CRPPA: variants seen among roughly 807,000 people sequenced by gnomAD.
CRPPA encodes D-ribitol-5-phosphate cytidylyltransferase.
Under a neutral mutation model 52.0 loss-of-function variants are expected in CRPPA, and 43 were observed. That is an observed-to-expected ratio of 0.83 (90% CI 0.65 to 1.07). The LOEUF is 1.07. Ranked by LOEUF, CRPPA falls within the 50% of genes least tolerant of loss-of-function variation. The pLI is 0.00. For synonymous variants in CRPPA, 250 were observed against 203.5 expected (o/e 1.23, Z -1.94); for missense variants, 629 against 551.7 (o/e 1.14, Z -1.40).
intron 1 of CRPPA, among the ~76,000 whole-genome samples, chr7:16,419,978 C>G (rs748214492): frequency 6.6e-6 from 1 of 152,196 alleles, no homozygotes; most frequent in Non-Finnish European, 1.5e-5. Flanking sequence ...ATTCCCCTGT[C>G]TTGATAAATC....
intron 4 of CRPPA, among the ~76,000 whole-genome samples, chr7:16,303,854 C>A (rs1302158248): frequency 6.6e-6 from 1 of 151,968 alleles, no homozygotes; most frequent in Non-Finnish European, 1.5e-5. Flanking sequence ...AATGTATTCC[C>A]CAACAAAAGG....
At chr7:16,094,400 A>G (rs1483275084) in intron 9 of CRPPA, among the ~76,000 whole-genome samples, 1 of 152,126 alleles carries the variant, frequency 6.6e-6, no homozygotes, top group Non-Finnish European at 1.5e-5. Context: ...TCATCTCAAA[A>G]TTTCCTATCT....
intron 9 of CRPPA, among the ~76,000 whole-genome samples, chr7:16,164,997 G>A (rs1025358410): frequency 1.3e-5 from 2 of 152,020 alleles, no homozygotes; most frequent in Non-Finnish European, 2.9e-5. Flanking sequence ...ACTTGAGGAG[G>A]CAGTCTGTCC....
intron 3 of CRPPA, among the ~76,000 whole-genome samples, chr7:16,371,455 T>C (rs890357540): frequency 1.3e-5 from 2 of 151,942 alleles, no homozygotes; most frequent in African/African-American, 4.8e-5. Flanking sequence ...TCATGCAGCA[T>C]CTTCTCCCCT....
intron 3 of CRPPA, among the ~76,000 whole-genome samples, chr7:16,341,814 C>T (rs183495076): frequency 2.0e-5 from 3 of 152,236 alleles, no homozygotes; most frequent in Admixed American, 6.5e-5. Flanking sequence ...GATGGTTTAA[C>T]CTTTCTTCCT....
At chr7:16,345,040 G>A (rs180678352) in intron 3 of CRPPA, among the ~76,000 whole-genome samples, 10 of 152,156 alleles carry the variant, frequency 6.6e-5, no homozygotes, top group South Asian at 2.1e-4. Flanking sequence ...AATCAGGTCC[G>A]CATATAAATG....
intron 3 of CRPPA, among the ~76,000 whole-genome samples, chr7:16,374,505 A>G (rs1786829481): frequency 6.6e-6 from 1 of 152,136 alleles, no homozygotes; most frequent in Admixed American, 6.5e-5. Context: ...CATATATCCT[A>G]TTAGTTCTGT....
At chr7:16,405,126 C>T (rs976274969) in intron 2 of CRPPA, among the ~76,000 whole-genome samples, 1 of 151,600 alleles carries the variant, frequency 6.6e-6, no homozygotes, top group African/African-American at 2.4e-5. Flanking sequence ...AGCTTCTGGG[C>T]ACCCAGATGG....
intron 3 of CRPPA, among the ~76,000 whole-genome samples, chr7:16,311,109 A>T (rs535383013): frequency 6.6e-6 from 1 of 152,078 alleles, no homozygotes; most frequent in Admixed American, 6.6e-5. Flanking sequence ...CATATACACG[A>T]CCTCTCCTAC....
chr7:16,410,128 TATTTGA>T (rs1788047219), intron 1 of CRPPA, among the ~76,000 whole-genome samples: 1 of 152,234 alleles, frequency 6.6e-6, no homozygotes, highest in South Asian at 2.1e-4. Context: ...TGTTTCTAGG[TATTTGA>T]CCCTCTGCTC....
chr7:16,229,944 G>C (rs1198410256), intron 8 of CRPPA, among the ~76,000 whole-genome samples: 1 of 151,726 alleles, frequency 6.6e-6, no homozygotes, highest in African/African-American at 2.4e-5. Flanking sequence ...CCCCTTTTCA[G>C]CATTTTAAAT....
intron 9 of CRPPA, among the ~76,000 whole-genome samples, chr7:16,136,082 T>A (rs1290872885): frequency 6.6e-6 from 1 of 152,172 alleles, no homozygotes; most frequent in Admixed American, 6.5e-5. Flanking sequence ...AGCTTTTCAA[T>A]TTTCCCTTCT....
chr7:16,186,517 T>C (rs894405918), intron 9 of CRPPA, among the ~76,000 whole-genome samples: 1 of 152,134 alleles, frequency 6.6e-6, no homozygotes, highest in Non-Finnish European at 1.5e-5. Flanking sequence ...CCACCTAATC[T>C]ATGGAAATTT....
chr7:16,102,881 G>A (rs551025633), intron 9 of CRPPA, among the ~76,000 whole-genome samples: 5 of 152,294 alleles, frequency 3.3e-5, no homozygotes, highest in African/African-American at 1.2e-4. Context: ...TTCAACCATT[G>A]TGGAAGACAG....
At chr7:16,307,902 C>T (rs961229524) in intron 4 of CRPPA, among the ~76,000 whole-genome samples, 2 of 106,784 alleles carry the variant, frequency 1.9e-5, no homozygotes, top group African/African-American at 7.8e-5. Context: ...TAGCTTTAAT[C>T]AAACTGAGTG....
intron 4 of CRPPA, among the ~76,000 whole-genome samples, chr7:16,304,603 T>G (rs1258149890): frequency 1.3e-5 from 2 of 152,104 alleles, no homozygotes; most frequent in Admixed American, 6.5e-5. Context: ...ATCTTGCCAC[T>G]GCACTCCAGC....
intron 3 of CRPPA, among the ~76,000 whole-genome samples, chr7:16,336,242 A>T (rs1215766456): frequency 6.6e-6 from 1 of 152,198 alleles, no homozygotes; most frequent in African/African-American, 2.4e-5. Context: ...TGTATAAACC[A>T]AATTAATCCC....
At chr7:16,139,898 A>G (rs1188723890) in intron 9 of CRPPA, among the ~76,000 whole-genome samples, 1 of 152,080 alleles carries the variant, frequency 6.6e-6, no homozygotes, top group Non-Finnish European at 1.5e-5. Context: ...AGAGCAGATA[A>G]TCTGCTGCAA....
intron 9 of CRPPA, among the ~76,000 whole-genome samples, chr7:16,199,854 C>CTTTTTTTTT (rs68003825): frequency 1.7e-5 from 2 of 120,120 alleles, no homozygotes; most frequent in Non-Finnish European, 3.5e-5. Context: ...TAAGCTTTTT[C>CTTTTTTTTT]TTTTTTTTTT....
Sources: allele counts gnomAD v4.1 joint callset (sites outside exome capture counted in the v4.1 genomes callset), GRCh38; gene constraint gnomAD v4.1.1; transcripts MANE v1.5; gene names NCBI Gene and HGNC (gene_info 2026-07-23, HGNC 2026-07-21).